SLC8A3: variants seen among roughly 807,000 people sequenced by gnomAD.
The protein encoded by SLC8A3 is solute carrier family 8 member A3, also known as sodium/calcium exchanger 3.
A neutral mutation model predicts 65.4 loss-of-function variants in SLC8A3; 37 were observed. The ratio of observed to expected loss-of-function variants is 0.57; its 90% CI spans 0.44 to 0.74. SLC8A3 has a LOEUF of 0.74. Among genes scored for constraint, SLC8A3 ranks in the 30% least tolerant of loss-of-function variants. The pLI is 0.00. For missense variants in SLC8A3, 1,112 were observed against 1,172.1 expected, an observed-to-expected ratio of 0.95 and a Z score of 0.75; for synonymous variants, 461 against 444.5, an observed-to-expected ratio of 1.04 and a Z score of -0.47.
At chr14:70,182,581 G>A (rs1330307470) in intron 1 of SLC8A3, among the ~76,000 whole-genome samples, 1 of 151,576 alleles carries the variant, frequency 6.6e-6, no homozygotes, top group Non-Finnish European at 1.5e-5. Context: ...GGAGGACAGC[G>A]GGCAGCTCTT....
At chr14:70,170,201 T>C (rs543176640) in intron 1 of SLC8A3, among the ~76,000 whole-genome samples, 1 of 152,312 alleles carries the variant, frequency 6.6e-6, no homozygotes, top group East Asian at 1.9e-4. Flanking sequence ...TTCTTTCCCA[T>C]GACCTTCAAA....
chr14:70,094,442 C>T (rs1431083601), intron 2 of SLC8A3, among the ~76,000 whole-genome samples: 1 of 152,218 alleles, frequency 6.6e-6, no homozygotes, highest in African/African-American at 2.4e-5. Context: ...ATCATTACGA[C>T]GTCTTACATT....
At chr14:70,092,463 C>T (rs534096670) in intron 2 of SLC8A3, among the ~76,000 whole-genome samples, 1 of 152,242 alleles carries the variant, frequency 6.6e-6, no homozygotes, top group South Asian at 2.1e-4. Flanking sequence ...ATGTCCATAC[C>T]TCCCTCTAGA....
intron 2 of SLC8A3, among the ~76,000 whole-genome samples, chr14:70,145,332 C>T (rs954156606): frequency 5.9e-5 from 9 of 152,214 alleles, no homozygotes; most frequent in Non-Finnish European, 1.3e-4. Context: ...CAGTTCCAAT[C>T]ACTCTGAATT....
intron 2 of SLC8A3, among the ~76,000 whole-genome samples, chr14:70,077,423 T>G (rs1363935162): frequency 6.6e-6 from 1 of 152,206 alleles, no homozygotes; most frequent in Non-Finnish European, 1.5e-5. Flanking sequence ...CACTGCTCTT[T>G]GGTCTCTCAC....
At chr14:70,121,283 T>C (rs1304795753) in intron 2 of SLC8A3, among the ~76,000 whole-genome samples, 1 of 152,186 alleles carries the variant, frequency 6.6e-6, no homozygotes, top group Non-Finnish European at 1.5e-5. Flanking sequence ...GAAGGGGTAT[T>C]TGAAGAAGCA....
chr14:70,069,949 G>A (rs1889858564), intron 2 of SLC8A3, among the ~76,000 whole-genome samples: 1 of 152,162 alleles, frequency 6.6e-6, no homozygotes, highest in Non-Finnish European at 1.5e-5. Context: ...GATGCTACTG[G>A]TCCATGGCCA....
Position 70,051,986 on chromosome 14 carries a change from T to C in SLC8A3, c.2013+4A>G, listed in dbSNP as rs1024534634. On this transcript the variant is annotated splice_donor_region_variant and intron_variant, in intron 4 of 6. Coordinates refer to ENST00000356921, the MANE Select transcript of SLC8A3 (RefSeq NM_182932.3). ...ATTCAATTAGACCTCACTGTTTGCC[T>C]GACCTTGAACTCATAGGACTCTTCA... is the stretch of plus-strand genomic sequence containing the variant. 1 of 1,612,746 alleles carries C rather than the reference T, an allele frequency of 6.2e-7. No homozygotes were observed. The highest frequency in any genetic ancestry group is 8.5e-7 in the Non-Finnish European group (1 of 1,179,288).
intron 1 of SLC8A3, among the ~76,000 whole-genome samples, chr14:70,173,202 G>A (rs1897659701): frequency 6.6e-6 from 1 of 152,164 alleles, no homozygotes; most frequent in African/African-American, 2.4e-5. Context: ...TCACCTAAGG[G>A]TTTAGGATGG....
chr14:70,178,745 T>C (rs1283998603), intron 1 of SLC8A3, among the ~76,000 whole-genome samples: 3 of 152,332 alleles, frequency 2.0e-5, no homozygotes, highest in Admixed American at 1.3e-4. Context: ...CTCAAATTTA[T>C]TGAGTGCCAA....
chr14:70,072,773 G>A (rs1890129689), intron 2 of SLC8A3, among the ~76,000 whole-genome samples: 1 of 152,100 alleles, frequency 6.6e-6, no homozygotes, highest in Non-Finnish European at 1.5e-5. Context: ...TCAGCCTCCC[G>A]AGTAGCTGGG....
chr14:70,099,360 G>A (rs892236737), intron 2 of SLC8A3, among the ~76,000 whole-genome samples: 1 of 152,226 alleles, frequency 6.6e-6, no homozygotes, highest in Non-Finnish European at 1.5e-5. Context: ...GATACCTACT[G>A]TCTTCCCTTT....
Position 70,052,057 on chromosome 14 carries a change from A to G in SLC8A3, c.1946T>C (p.Met649Thr), listed in dbSNP as rs756373645. 4.3e-6 allele frequency: 7 copies of G among 1,612,724 alleles called. No individual in the cohort carries two copies. The African/African-American group carries it at 6.7e-5, about 15-fold the overall frequency. Residue 649 changes from methionine to threonine, a missense_variant, in exon 4 of 7, where the codon ATG (methionine) becomes ACG (threonine). Coordinates refer to ENST00000356921, the MANE Select transcript of SLC8A3 (RefSeq NM_182932.3). ...EEEEAKRIAEMGKPVLGEHPK... is the reference protein window; with the variant it reads ...EEEEAKRIAETGKPVLGEHPK... ...GTGTTCACCCAATACTGGCTTTCCC[A>G]TCTCTGCTATCCTCTTGGCCTCCTC...
chr14:70,118,064 T>G (rs552072522), intron 2 of SLC8A3, among the ~76,000 whole-genome samples: 2 of 152,222 alleles, frequency 1.3e-5, no homozygotes, highest in South Asian at 4.1e-4. Flanking sequence ...TACTTCTTCC[T>G]TCATGACTGT....
chr14:70,187,797 G>A (rs139060314), intron 1 of SLC8A3, among the ~76,000 whole-genome samples: 190 of 152,226 alleles, frequency 1.2e-3, no homozygotes, highest in African/African-American at 4.4e-3. Flanking sequence ...AGCGGTGGGT[G>A]CTCTGGGGCT....
chr14:70,092,981 T>C (rs1340325247), intron 2 of SLC8A3, among the ~76,000 whole-genome samples: 2 of 152,224 alleles, frequency 1.3e-5, no homozygotes, highest in South Asian at 2.1e-4. Flanking sequence ...GCATTTAATA[T>C]GGGCTTCAGA....
At position 70,044,431 on chromosome 14, in the gene SLC8A3, G is replaced by A. The variant is rs1033727948; in HGVS notation, c.*1516C>T. ...GTCAATGCAGAAAGCCTAAAGATCC[G>A]TGGGCAGTTTCGTGATGACATCTTA... On this transcript the variant is annotated 3_prime_UTR_variant, in exon 7 of 7. Transcript: ENST00000356921. 2.9e-5 allele frequency: 4 copies of A among 136,074 alleles called. No homozygotes were observed. Among genetic ancestry groups the A allele is most frequent in the Non-Finnish European group, 4.5e-5 (3 of 65,974 alleles). 8.4% of individuals were successfully genotyped at this position (136,074 alleles called of 1,614,324 possible). A position where few individuals can be genotyped will look rare whatever the true frequency, so the allele number is the denominator to read the frequency against.
intron 2 of SLC8A3, among the ~76,000 whole-genome samples, chr14:70,166,265 A>T (rs1038011764): frequency 1.3e-5 from 2 of 152,202 alleles, no homozygotes; most frequent in African/African-American, 2.4e-5. Flanking sequence ...TGAGGAAGGG[A>T]GGAAGAAGAG....
chr14:70,133,092 T>C (rs1894958961), intron 2 of SLC8A3, among the ~76,000 whole-genome samples: 1 of 146,524 alleles, frequency 6.8e-6, no homozygotes, highest in African/African-American at 2.6e-5. Context: ...ACAGATGTTT[T>C]TAAAGTTATT....
Sources: allele counts gnomAD v4.1 joint callset (sites outside exome capture counted in the v4.1 genomes callset), GRCh38; gene constraint gnomAD v4.1.1; transcripts MANE v1.5; gene names NCBI Gene and HGNC (gene_info 2026-07-23, HGNC 2026-07-21).